Variants in CPNE7 observed in about 807,000 individuals in gnomAD.
The protein encoded by CPNE7 is copine-7.
Under a neutral mutation model 66.5 loss-of-function variants are expected in CPNE7, and 78 were observed. The observed-to-expected ratio is 1.17, with a 90% confidence interval of 0.98 to 1.42. The LOEUF (loss-of-function observed/expected upper bound fraction) is 1.42, where lower values mean the gene tolerates loss of function less well. Ranked by LOEUF, CPNE7 falls within the 40% of genes most tolerant of loss-of-function variation. CPNE7 has a pLI of 0.00. For missense variants in CPNE7, 1,012 were observed against 776.6 expected, an observed-to-expected ratio of 1.30 and a Z score of -3.60; for synonymous variants, 468 against 336.7, an observed-to-expected ratio of 1.39 and a Z score of -4.27.
intron 13 of CPNE7, among the ~76,000 whole-genome samples, chr16:89,591,749 G>A (rs1025237510): frequency 1.3e-5 from 2 of 151,652 alleles, no homozygotes; most frequent in African/African-American, 4.9e-5. Flanking sequence ...ACCCAGGCTG[G>A]AGTGCAGTGA....
intron 6 of CPNE7, 58 bp downstream of exon 6, chr16:89,585,611 AT>A: frequency 7.2e-7 from 1 of 1,391,526 alleles, no homozygotes; most frequent in Non-Finnish European, 1.0e-6. Context: ...GTGGGCTGCG[AT>A]GGAGACACCT....
chr16:89,585,545 C>T lies in CPNE7; in HGVS notation c.673C>T (p.Pro225Ser), dbSNP rs150443459. ...SSLCSCEETRPLKCLVWDYDS... is the reference protein window; with the variant it reads ...SSLCSCEETRSLKCLVWDYDS... ...CCTCTGCAGCTGCGAGGAGACAAGG[C>T]CTCTAAAGGTGGGGGACGGGATGGA... is the stretch of plus-strand genomic sequence containing the variant. Residue 225 changes from proline to serine, a missense_variant, in exon 6 of 15, where the codon CCT becomes TCT. Transcript: ENST00000319518. The T allele has an allele frequency of 1.7e-4, 270 of 1,610,364 alleles. 1 individual carries two copies. In the Middle Eastern group the frequency reaches 3.0e-3, roughly 18 times the overall value.
chr16:89,576,105 C>G (rs555065710), intron 1 of CPNE7, 34 bp downstream of exon 1: 4 of 1,239,110 alleles, frequency 3.2e-6, no homozygotes, highest in Non-Finnish European at 4.0e-6. Flanking sequence ...GAGAGGCCAC[C>G]GGGCCGGGGC....
In CPNE7 at chr16:89,577,682, G is replaced by T; in HGVS notation, c.318G>T (p.Glu106Asp). Reference sequence around the variant, plus strand: ...GGCCCAGCGGCTTCAGCTGTCAGGAGGACGATTTCCTGGGGGGCATGGAGT... The same window carrying T: ...GGCCCAGCGGCTTCAGCTGTCAGGATGACGATTTCCTGGGGGGCATGGAGT... ...THGPSGFSCQ[E>D]DDFLGGMECT... The change falls in exon 2 of 15, where the codon GAG becomes GAT. Residue 106 changes from glutamate (E) to aspartate (D), a missense_variant. Coordinates refer to ENST00000319518, the MANE Select transcript of CPNE7 (RefSeq NM_153636.3). The T allele has an allele frequency of 6.2e-7, 1 of 1,601,314 alleles. No individual in the cohort carries two copies. The highest frequency in any genetic ancestry group is 2.3e-5 in the East Asian group (1 of 44,392).
chr16:89,587,718 ACCCCCGTGTCACCCACAGATACACGG>A (rs1176654206), intron 9 of CPNE7: 5 of 170,036 alleles, frequency 2.9e-5, no homozygotes, highest in South Asian at 8.3e-5. Context: ...CCCCCATAGC[ACCCCCGTGTCACCCACAGATACACGG>A]CCCCCGTGTC....
intron 1 of CPNE7, 52 bp downstream of exon 1, chr16:89,576,123 G>A: frequency 8.1e-7 from 1 of 1,231,092 alleles, no homozygotes; most frequent in Non-Finnish European, 1.0e-6. Flanking sequence ...GGCTGGCGCC[G>A]AGCTGGGGAT....
intron 13 of CPNE7, among the ~76,000 whole-genome samples, chr16:89,592,327 A>ATGTATCCAGTTCAGAGGC: frequency 6.8e-6 from 1 of 146,288 alleles, no homozygotes; most frequent in African/African-American, 2.5e-5. Flanking sequence ...AATAATTTTA[A>ATGTATCCAGTTCAGAGGC]ACTCACCAAA....
At position 89,585,733 on chromosome 16, in the gene CPNE7, G is replaced by T; in HGVS notation, c.728G>T (p.Gly243Val). The T allele has an allele frequency of 6.5e-7, 1 of 1,534,568 alleles. No homozygotes were observed. The highest frequency in any genetic ancestry group is 2.5e-5 in the East Asian group (1 of 39,908). The change falls in exon 7 of 15, where the codon GGA becomes GTA. Residue 243 changes from glycine (G) to valine (V), a missense_variant. Coordinates refer to ENST00000319518, the MANE Select transcript of CPNE7 (RefSeq NM_153636.3). Reference sequence around the variant, plus strand: ...TCTCGAGGAAAGCACGACTTCATCGGAGAATTCTCTACCACCTTCGAGGAG... The same window carrying T: ...TCTCGAGGAAAGCACGACTTCATCGTAGAATTCTCTACCACCTTCGAGGAG... ...YDSRGKHDFI[G>V]EFSTTFEEMQ...
intron 13 of CPNE7, among the ~76,000 whole-genome samples, chr16:89,592,972 C>T (rs927671167): frequency 2.6e-4 from 40 of 151,032 alleles, no homozygotes; most frequent in Non-Finnish European, 5.3e-4. Flanking sequence ...GCCACCATAC[C>T]CGGCTAATTT....
At chr16:89,591,655 C>T (rs932464353) in intron 13 of CPNE7, among the ~76,000 whole-genome samples, 18 of 152,194 alleles carry the variant, frequency 1.2e-4, no homozygotes, top group African/African-American at 3.9e-4. Flanking sequence ...CCGTGTGGCC[C>T]TGTATGTGTC....
intron 1 of CPNE7, 24 bp downstream of exon 1, chr16:89,576,095 G>C: frequency 8.0e-7 from 1 of 1,244,730 alleles, no homozygotes; most frequent in Non-Finnish European, 1.0e-6. Context: ...GTGGGAGGCC[G>C]AGAGGCCACC....
intron 10 of CPNE7, 112 bp from the exon 11 acceptor site, chr16:89,589,785 C>A: frequency 8.6e-7 from 1 of 1,156,538 alleles, no homozygotes; most frequent in Non-Finnish European, 1.3e-6. Context: ...GCCGTGGTAC[C>A]AGGCCTGGGC....
At position 89,576,077 on chromosome 16, in the gene CPNE7, G is replaced by A. The variant is rs779844549; in HGVS notation, c.174+6G>A. 7.9e-7 allele frequency: 1 copy of A among 1,260,648 alleles called. No homozygotes were observed. Among genetic ancestry groups the A allele is most frequent in the Non-Finnish European group, 1.0e-6 (1 of 1,002,596 alleles). The allele number at this position is 1,260,648 out of a possible 1,614,324, so 78.1% of individuals were successfully genotyped here. A position where few individuals can be genotyped will look rare whatever the true frequency, so the allele number is the denominator to read the frequency against. ...CGCAGGGCCAGTGGGTGCAGGTAGG[G>A]CCGGGGCGTGGGAGGCCGAGAGGCC... On this transcript the variant is annotated splice_donor_region_variant and intron_variant, in intron 1 of 14. Transcript: ENST00000319518.
intron 5 of CPNE7, 149 bp downstream of exon 5, chr16:89,585,006 A>G (rs1597702201): frequency 4.2e-6 from 3 of 706,374 alleles, no homozygotes; most frequent in Non-Finnish European, 7.1e-6. Flanking sequence ...AGAATCCAAC[A>G]GGGAGCCGCA....
chr16:89,589,474 G>C (rs990125113), intron 10 of CPNE7, among the ~76,000 whole-genome samples: 1 of 152,160 alleles, frequency 6.6e-6, no homozygotes, highest in African/African-American at 2.4e-5. Flanking sequence ...AAAACCCTGT[G>C]CTCTGAGCTT....
At chr16:89,582,955 G>A (rs1286631670) in intron 2 of CPNE7, among the ~76,000 whole-genome samples, 1 of 152,224 alleles carries the variant, frequency 6.6e-6, no homozygotes, top group African/African-American at 2.4e-5. Flanking sequence ...GCCTGGGAGG[G>A]CCGTGTGCCC....
chr16:89,575,840 C>T lies in CPNE7; in HGVS notation c.-58C>T. The stretch of plus-strand genomic sequence containing the variant: ...CCATTTCCCGGGCGCCGCGGCGGCG[C>T]CGACTCGCGGGCAGCGGCCCCTCAG... On this transcript the variant is annotated 5_prime_UTR_variant, in exon 1 of 15. Transcript: ENST00000319518. 2 of 1,135,654 alleles carry T rather than the reference C, an allele frequency of 1.8e-6. No homozygotes were observed. The highest frequency in any genetic ancestry group is 2.2e-6 in the Non-Finnish European group (2 of 924,528). 70.3% of individuals were successfully genotyped at this position (1,135,654 alleles called of 1,614,324 possible).
intron 2 of CPNE7, among the ~76,000 whole-genome samples, chr16:89,582,979 C>T (rs1236643540): frequency 6.6e-6 from 1 of 152,244 alleles, no homozygotes; most frequent in Non-Finnish European, 1.5e-5. Context: ...TCCTGCTCCT[C>T]ACTGAGGAGA....
intron 9 of CPNE7, chr16:89,587,743 GGCCCCC>G (rs1313456204): frequency 1.2e-4 from 13 of 112,688 alleles, no homozygotes; most frequent in Admixed American, 8.1e-4. Flanking sequence ...ACAGATACAC[GGCCCCC>G]GTGTCACCCG....
Sources: allele counts gnomAD v4.1 joint callset (sites outside exome capture counted in the v4.1 genomes callset), GRCh38; gene constraint gnomAD v4.1.1; transcripts MANE v1.5; gene names NCBI Gene and HGNC (gene_info 2026-07-23, HGNC 2026-07-21).